The following MYRFL variants were observed in gnomAD, a reference collection of about 807,000 sequenced individuals.
The protein encoded by MYRFL is myelin regulatory factor-like protein.
Under a neutral mutation model 109.4 loss-of-function variants are expected in MYRFL, and 88 were observed. The ratio of observed to expected loss-of-function variants is 0.80; its 90% confidence interval spans 0.68 to 0.96. The LOEUF (loss-of-function observed/expected upper bound fraction) is 0.96, where lower values mean the gene tolerates loss of function less well. Among genes scored for constraint, MYRFL ranks in the 40% least tolerant of loss-of-function variants. The pLI, the probability that MYRFL is intolerant of heterozygous loss-of-function variation, is 0.00. For missense variants in MYRFL, 957 were observed against 954.9 expected, an observed-to-expected ratio of 1.00 and a Z score of -0.03; for synonymous variants, 324 against 320.9, an observed-to-expected ratio of 1.01 and a Z score of -0.10.
At chr12:69,933,755 C>T (rs1214067845) in intron 16 of MYRFL, among the ~76,000 whole-genome samples, 1 of 152,142 alleles carries the variant, frequency 6.6e-6, no homozygotes, top group Non-Finnish European at 1.5e-5. Flanking sequence ...AGAGTGTGAA[C>T]CTCTATCTTA....
intron 7 of MYRFL, among the ~76,000 whole-genome samples, chr12:69,891,665 C>CTTTT (rs750183320): frequency 1.1e-5 from 1 of 89,006 alleles, no homozygotes; most frequent in East Asian, 2.4e-4. Flanking sequence ...TTCTTTCTTT[C>CTTTT]TTTCTTTCTT....
intron 10 of MYRFL, among the ~76,000 whole-genome samples, chr12:69,902,473 C>T (rs1954226134): frequency 1.3e-5 from 2 of 152,024 alleles, no homozygotes; most frequent in Admixed American, 1.3e-4. Flanking sequence ...TTGAGGAAAC[C>T]ATTGTTATTG....
At chr12:69,889,232 A>G (rs974539141) in intron 6 of MYRFL, among the ~76,000 whole-genome samples, 1 of 151,872 alleles carries the variant, frequency 6.6e-6, no homozygotes, top group Non-Finnish European at 1.5e-5. Flanking sequence ...AGAAACCCAC[A>G]TTTAGGAAGC....
At chr12:69,953,166 C>T (rs778334904) in intron 21 of MYRFL, among the ~76,000 whole-genome samples, 3 of 152,164 alleles carry the variant, frequency 2.0e-5, no homozygotes, top group Admixed American at 2.0e-4. Context: ...TGCTGACTCT[C>T]TGAGGGCACA....
chr12:69,842,645 T>C (rs1883310917), intron 1 of MYRFL, among the ~76,000 whole-genome samples: 1 of 152,248 alleles, frequency 6.6e-6, no homozygotes, highest in South Asian at 2.1e-4. Flanking sequence ...GCCTCCTGGC[T>C]GTGGTCAGAC....
intron 10 of MYRFL, among the ~76,000 whole-genome samples, chr12:69,903,217 A>T (rs1357304054): frequency 6.6e-6 from 1 of 152,244 alleles, no homozygotes; most frequent in Non-Finnish European, 1.5e-5. Flanking sequence ...AGGGCTAGCT[A>T]AATGCAAGGT....
Position 69,910,095 on chromosome 12 carries a change from C to T in MYRFL, c.1492+18C>T, listed in dbSNP as rs1286838492. 3 of 1,462,302 alleles carry T rather than the reference C, an allele frequency of 2.1e-6. No individual in the cohort carries two copies. In the African/African-American group the frequency reaches 4.3e-5, roughly 21 times the overall value. The allele number at this position is 1,462,302 out of a possible 1,614,324, so 90.6% of individuals were successfully genotyped here. The stretch of plus-strand genomic sequence containing the variant: ...TCAAACAGGTACACACACAAATTCC[C>T]CTTTTAATTTTGTATTGCCAACTAT... On this transcript the variant is annotated intron_variant, in intron 12 of 24. Coordinates refer to ENST00000552032, the MANE Select transcript of MYRFL (RefSeq NM_182530.3).
intron 19 of MYRFL, among the ~76,000 whole-genome samples, chr12:69,948,589 C>G (rs1443516136): frequency 1.3e-5 from 2 of 152,182 alleles, no homozygotes; most frequent in Admixed American, 6.5e-5. Context: ...TTACAACCTT[C>G]TGTGGAAGCA....
chr12:69,834,210 C>G (rs569595710), intron 1 of MYRFL, among the ~76,000 whole-genome samples: 38 of 152,136 alleles, frequency 2.5e-4, no homozygotes, highest in Middle Eastern at 3.4e-3. Flanking sequence ...AAGATGGGAC[C>G]CCAGTGGTTG....
chr12:69,864,403 A>G (rs1291632635), intron 2 of MYRFL, among the ~76,000 whole-genome samples: 1 of 150,094 alleles, frequency 6.7e-6, no homozygotes, highest in African/African-American at 2.5e-5. Flanking sequence ...AAGTTCACTG[A>G]CTCTCCTCTG....
At chr12:69,883,425 C>T (rs761067822) in intron 5 of MYRFL, among the ~76,000 whole-genome samples, 1 of 152,034 alleles carries the variant, frequency 6.6e-6, no homozygotes, top group African/African-American at 2.4e-5. Flanking sequence ...CAATCACAAA[C>T]CAAAAAGATA....
intron 6 of MYRFL, among the ~76,000 whole-genome samples, chr12:69,889,983 G>C (rs1886700533): frequency 1.3e-5 from 2 of 152,090 alleles, no homozygotes. Flanking sequence ...GCAAAAATTT[G>C]ATTAGCCACC....
chr12:69,929,058 T>C (rs1262956316), intron 15 of MYRFL, among the ~76,000 whole-genome samples: 2 of 152,184 alleles, frequency 1.3e-5, no homozygotes, highest in Non-Finnish European at 2.9e-5. Flanking sequence ...CACTAGGGAC[T>C]AGCACATAGT....
rs1955090053 is a variant in MYRFL at position 69,926,556 on chromosome 12, A to G, written c.1603-15A>G. On this transcript the variant is annotated splice_polypyrimidine_tract_variant and intron_variant, in intron 13 of 24. Transcript: ENST00000552032. ...ATTGTTAATTTATGCACTCTGTTTG[A>G]TTTTTCCCTTTTAGGACCAGATCTT... The G allele has an allele frequency of 1.4e-6, 2 of 1,479,698 alleles. No individual in the cohort carries two copies. Among genetic ancestry groups the G allele is most frequent in the East Asian group, 5.0e-5 (2 of 40,350 alleles). 91.7% of individuals were successfully genotyped at this position (1,479,698 alleles called of 1,614,324 possible). A position where few individuals can be genotyped will look rare whatever the true frequency, so the allele number is the denominator to read the frequency against.
chr12:69,879,311 G>A lies in MYRFL; in HGVS notation c.322G>A (p.Gly108Ser), dbSNP rs1415623816. 1 of 702,850 alleles carries A rather than the reference G, an allele frequency of 1.4e-6. No homozygotes were observed. Among genetic ancestry groups the A allele is most frequent in the Non-Finnish European group, 2.6e-6 (1 of 384,848 alleles). The allele number at this position is 702,850 out of a possible 1,614,324, so 43.5% of individuals were successfully genotyped here. A position where few individuals can be genotyped will look rare whatever the true frequency, so the allele number is the denominator to read the frequency against. ...CCCGCTGCAGAGCACCTCTGGAATG[G>A]GCGACTCCTGCCAAATCCACGGAGG... ...MHPLQSTSGM[G>S]DSCQIHGGFH... is the part of the protein sequence containing the mutation. The change falls in exon 4 of 25, where the codon GGC becomes AGC. Residue 108 changes from glycine (G) to serine (S), a missense_variant. Coordinates refer to ENST00000552032, the MANE Select transcript of MYRFL (RefSeq NM_182530.3).
In MYRFL at chr12:69,952,145, G is replaced by A. The variant is rs11177991; in HGVS notation, c.2257G>A (p.Ala753Thr). 1 of 1,536,092 alleles carries A rather than the reference G, an allele frequency of 6.5e-7. No individual in the cohort carries two copies. Among genetic ancestry groups the A allele is most frequent in the South Asian group, 1.2e-5 (1 of 84,064 alleles). Residue 753 changes from alanine to threonine, a missense_variant, in exon 20 of 25, where the codon GCA becomes ACA. Coordinates refer to ENST00000552032, the MANE Select transcript of MYRFL (RefSeq NM_182530.3). The stretch of plus-strand genomic sequence containing the variant: ...AAGCAAATCAGTTTTGGCAAGAAAT[G>A]CACTCAGCGGCCCTGACTGGGAGAG... The part of the protein sequence containing the change: ...DKSKSVLARN[A>T]LSGPDWESDW...
chr12:69,879,149 T>C (rs748081671), intron 3 of MYRFL, 46 bp from the exon 4 acceptor site: 4 of 702,728 alleles, frequency 5.7e-6, no homozygotes, highest in African/African-American at 5.2e-5. Context: ...CCTCCTCGAC[T>C]CTGGGCCGTG....
rs377031261 is a variant in MYRFL, at chr12:69,957,755, A to G, written c.2451-67A>G. The G allele has an allele frequency of 3.4e-5, 50 of 1,459,996 alleles. No individual in the cohort carries two copies. In the East Asian group the frequency reaches 8.6e-4, roughly 25 times the overall value. The allele number at this position is 1,459,996 out of a possible 1,614,324, so 90.4% of individuals were successfully genotyped here. A position where few individuals can be genotyped will look rare whatever the true frequency, so the allele number is the denominator to read the frequency against. ...TTCCCATTAGATCCTCCTCTTATCA[A>G]GATGTATCCTAGTAGAAGCTGGTAA... On this transcript the variant is annotated intron_variant, in intron 22 of 24. Coordinates refer to ENST00000552032, the MANE Select transcript of MYRFL (RefSeq NM_182530.3).
intron 7 of MYRFL, 82 bp from the exon 8 acceptor site, chr12:69,893,682 C>T: frequency 1.1e-6 from 1 of 872,038 alleles, no homozygotes; most frequent in Admixed American, 3.5e-5. Context: ...CCTTGAAAAG[C>T]TTTTTAAGTA....
Sources: allele counts gnomAD v4.1 joint callset (sites outside exome capture counted in the v4.1 genomes callset), GRCh38; gene constraint gnomAD v4.1.1; transcripts MANE v1.5; gene names NCBI Gene and HGNC (gene_info 2026-07-23, HGNC 2026-07-21).